Variants in TLN2 observed in about 807,000 individuals in gnomAD.
The protein encoded by TLN2 is talin 2.
A neutral mutation model predicts 294.7 loss-of-function variants in TLN2; 118 were observed. The observed-to-expected ratio is 0.40, with a 90% CI of 0.34 to 0.47. The LOEUF is 0.47. Among genes scored for constraint, TLN2 ranks in the 20% least tolerant of loss-of-function variants. TLN2 has a pLI of 0.84. For missense variants in TLN2, 3,083 were observed against 3,282.2 expected (o/e 0.94, Z 1.48); for synonymous variants, 1,431 against 1,304.5 (o/e 1.10, Z -2.09).
At chr15:62,416,775 C>T (rs571088160) in intron 1 of TLN2, among the ~76,000 whole-genome samples, 1 of 152,184 alleles carries the variant, frequency 6.6e-6, no homozygotes, top group African/African-American at 2.4e-5. Flanking sequence ...AAGGCTTGCT[C>T]TGAGCTCATG....
At chr15:62,581,026 G>A (rs1278271784) in intron 1 of TLN2, among the ~76,000 whole-genome samples, 2 of 152,028 alleles carry the variant, frequency 1.3e-5, no homozygotes, top group Admixed American at 6.6e-5. Flanking sequence ...TGGGATTACA[G>A]GCGCCCACCA....
chr15:62,763,611 C>T lies in TLN2; in HGVS notation c.5010C>T (p.Ile1670=). 1 of 1,613,766 alleles carries T rather than the reference C, an allele frequency of 6.2e-7. No homozygotes were observed. The highest frequency in any genetic ancestry group is 8.5e-7 in the Non-Finnish European group (1 of 1,179,882). Residue 1670 remains isoleucine (I), a synonymous_variant, in exon 40 of 59, where the codon ATC becomes ATT. Transcript: ENST00000636159. The part of the protein sequence containing the change: ...QRECDYSIDG[I]NRCIRDIEQA... The stretch of plus-strand genomic sequence containing the variant: ...AGTGTGATTACTCCATCGATGGCAT[C>T]AACCGGTGCATCCGGGACATCGAGC...
intron 1 of TLN2, among the ~76,000 whole-genome samples, chr15:62,571,640 A>G (rs1251932873): frequency 1.3e-5 from 2 of 152,182 alleles, no homozygotes; most frequent in South Asian, 2.1e-4. Context: ...GCAGGAGTAG[A>G]GGCAATGGTA....
At chr15:62,791,939 G>C (rs1490253865) in intron 45 of TLN2, among the ~76,000 whole-genome samples, 1 of 152,196 alleles carries the variant, frequency 6.6e-6, no homozygotes, top group Non-Finnish European at 1.5e-5. Context: ...GCCTCTCTTA[G>C]GCAAAGTACC....
intron 24 of TLN2, among the ~76,000 whole-genome samples, chr15:62,718,427 G>C (rs2059919826): frequency 1.3e-5 from 2 of 152,040 alleles, no homozygotes; most frequent in Non-Finnish European, 2.9e-5. Context: ...GGTTATGAGA[G>C]CCAACTGCAA....
Position 62,719,786 on chromosome 15 carries a change from C to G in TLN2, c.2897C>G (p.Pro966Arg). 6.2e-7 allele frequency: 1 copy of G among 1,608,956 alleles called. No homozygotes were observed. Among genetic ancestry groups the G allele is most frequent in the Non-Finnish European group, 8.5e-7 (1 of 1,177,320 alleles). The change falls in exon 25 of 59, where the codon CCT becomes CGT. Residue 966 changes from proline (P) to arginine (R), a missense_variant. By Grantham distance (103) the Pro-to-Arg change is moderately radical. Transcript: ENST00000636159. ...CTGCAGGCAGTGGCTGATCACATCC[C>G]TCAGCTGGTCCAGGGAGTGAGGGGG... ...QSCKAVADHIPQLVQGVRGSQ... is the reference protein window; with the variant it reads ...QSCKAVADHIRQLVQGVRGSQ...
rs188468794 is a variant in TLN2, at chr15:62,632,972, T to G, written c.-36-14303T>G. ...AATTCCAGTATAACAAAAGCCAAAA[T>G]AAAACAAACAACAAACAAAGTATAA... On this transcript the variant is annotated intron_variant, in intron 3 of 58. Transcript: ENST00000636159. Among the ~76,000 whole-genome samples, 5 of 152,252 alleles carry G rather than the reference T, an allele frequency of 3.3e-5. No homozygotes were observed. In the East Asian group the frequency reaches 9.6e-4, roughly 29 times the overall value.
chr15:62,684,153 C>T (rs1005319334), intron 11 of TLN2: 1 of 152,262 alleles, frequency 6.6e-6, no homozygotes, highest in African/African-American at 2.4e-5. Context: ...GTGGCTTCCT[C>T]TCCCAATCTG....
intron 1 of TLN2, among the ~76,000 whole-genome samples, chr15:62,425,997 T>G (rs2034685162): frequency 6.6e-6 from 1 of 152,256 alleles, no homozygotes; most frequent in African/African-American, 2.4e-5. Context: ...ACCTGTTAAC[T>G]GCTTCATTAG....
At chr15:62,569,722 G>A (rs560710790) in intron 1 of TLN2, among the ~76,000 whole-genome samples, 6 of 152,370 alleles carry the variant, frequency 3.9e-5, no homozygotes, top group African/African-American at 1.4e-4. Flanking sequence ...TGGGTAGCAC[G>A]TGAGAGAAAT....
chr15:62,736,039 G>T (rs760086128), intron 28 of TLN2, among the ~76,000 whole-genome samples: 1 of 152,150 alleles, frequency 6.6e-6, no homozygotes, highest in Non-Finnish European at 1.5e-5. Context: ...AAGGCTGGGC[G>T]CAGTGGCTGA....
chr15:62,599,322 G>T (rs574656360), intron 2 of TLN2, among the ~76,000 whole-genome samples: 7 of 152,230 alleles, frequency 4.6e-5, no homozygotes, highest in African/African-American at 1.7e-4. Context: ...ACTTGTTAGT[G>T]ATAAGCAGTC....
intron 1 of TLN2, among the ~76,000 whole-genome samples, chr15:62,454,672 C>G (rs564465220): frequency 6.6e-6 from 1 of 152,194 alleles, no homozygotes; most frequent in African/African-American, 2.4e-5. Flanking sequence ...CAGCTTAACA[C>G]AGGGAGTGAG....
At chr15:62,779,699 A>G (rs151200485) in intron 43 of TLN2, among the ~76,000 whole-genome samples, 12 of 152,364 alleles carry the variant, frequency 7.9e-5, no homozygotes, top group Middle Eastern at 3.4e-3. Flanking sequence ...ATGTTCAGTC[A>G]GTTTACAGCA....
At chr15:62,735,261 TGG>T in intron 28 of TLN2, among the ~76,000 whole-genome samples, 1 of 152,354 alleles carries the variant, frequency 6.6e-6, no homozygotes, top group Admixed American at 6.5e-5. Flanking sequence ...ATATGTGTCC[TGG>T]CATCTCCAGT....
intron 1 of TLN2, among the ~76,000 whole-genome samples, chr15:62,512,836 C>T (rs1204493369): frequency 6.6e-6 from 1 of 152,246 alleles, no homozygotes; most frequent in African/African-American, 2.4e-5. Flanking sequence ...TTTTGGGCAT[C>T]TTCAAGACTT....
chr15:62,833,689 A>G, intron 55 of TLN2, 60 bp downstream of exon 55: 1 of 1,575,864 alleles, frequency 6.3e-7, no homozygotes, highest in East Asian at 2.3e-5. Flanking sequence ...CAGGGGGCCC[A>G]GGAAAAGAGC....
At chr15:62,829,911 C>G (rs1039747565) in intron 54 of TLN2, 1 of 152,158 alleles carries the variant, frequency 6.6e-6, no homozygotes, top group South Asian at 2.1e-4. Context: ...CTGTGCCTGG[C>G]TTATTTCACT....
At chr15:62,589,305 G>A (rs962654016) in intron 1 of TLN2, among the ~76,000 whole-genome samples, 4 of 152,168 alleles carry the variant, frequency 2.6e-5, no homozygotes, top group Non-Finnish European at 5.9e-5. Flanking sequence ...AAGAAGACAA[G>A]AGCACCTCAT....
Sources: gnomAD v4.1 joint callset for allele counts (sites outside exome capture counted in the v4.1 genomes callset) on GRCh38, gnomAD v4.1.1 for gene constraint, MANE v1.5 for transcripts, NCBI Gene and HGNC (gene_info 2026-07-23, HGNC 2026-07-21) for gene names.